Variants in PHTF2 observed in about 807,000 individuals in gnomAD.
The protein encoded by PHTF2 is putative homeodomain transcription factor 2.
A neutral mutation model predicts 101.2 loss-of-function variants in PHTF2; 60 were observed. The observed-to-expected ratio is 0.59, with a 90% CI of 0.48 to 0.73. The LOEUF (loss-of-function observed/expected upper bound fraction) is 0.73. Among genes scored for constraint, PHTF2 ranks in the 30% least tolerant of loss-of-function variants. The probability of loss-of-function intolerance (pLI) is 0.00; values close to 1 mark genes in which losing one functional copy is unlikely to be tolerated. For missense variants in PHTF2, 747 were observed against 908.7 expected (o/e 0.82, Z 2.29); for synonymous variants, 311 against 307.3 (o/e 1.01, Z -0.13).
At chr7:77,861,481 G>C (rs942551900) in intron 3 of PHTF2, among the ~76,000 whole-genome samples, 9 of 152,056 alleles carry the variant, frequency 5.9e-5, no homozygotes, top group Admixed American at 1.3e-4. Flanking sequence ...AAATAGAGTA[G>C]AAATGACCAT....
intron 1 of PHTF2, among the ~76,000 whole-genome samples, chr7:77,799,271 G>C (rs1204957521): frequency 6.6e-6 from 1 of 152,088 alleles, no homozygotes; most frequent in East Asian, 1.9e-4. Context: ...AGCCCAGCGC[G>C]CCACCCGCCC....
At chr7:77,868,711 A>G (rs1045489139) in intron 3 of PHTF2, among the ~76,000 whole-genome samples, 2 of 152,192 alleles carry the variant, frequency 1.3e-5, no homozygotes, top group African/African-American at 2.4e-5. Flanking sequence ...CTAGGAAGGT[A>G]GCATTAGATA....
At chr7:77,803,688 C>CGTGTGTGTGTGT (rs34239792) in intron 1 of PHTF2, among the ~76,000 whole-genome samples, 5 of 140,862 alleles carry the variant, frequency 3.5e-5, no homozygotes, top group Non-Finnish European at 6.3e-5. Context: ...GTTGAACAGG[C>CGTGTGTGTGTGT]GTGTGTGTGT....
At chr7:77,882,356 TA>T (rs34916341) in intron 3 of PHTF2, among the ~76,000 whole-genome samples, 24,923 of 147,428 alleles carry the variant, frequency 0.17, 2,316 homozygotes, top group African/African-American at 0.26. Context: ...TTTCAAATCT[TA>T]AAAAAAAAAA....
chr7:77,908,806 A>G, exon 8 of PHTF2: 1 of 1,601,144 alleles, frequency 6.2e-7, no homozygotes, highest in South Asian at 1.1e-5. Context: ...CTGCAATAGT[A>G]TTATTCTGCT....
At chr7:77,833,412 T>C (rs1290337444) in intron 1 of PHTF2, among the ~76,000 whole-genome samples, 1 of 152,142 alleles carries the variant, frequency 6.6e-6, no homozygotes, top group Non-Finnish European at 1.5e-5. Context: ...GTTGTTGGAA[T>C]GGAATAATAA....
chr7:77,837,058 AACT>A (rs1460146920), intron 1 of PHTF2, among the ~76,000 whole-genome samples: 9 of 152,214 alleles, frequency 5.9e-5, no homozygotes, highest in Non-Finnish European at 7.4e-5. Context: ...GCTTAGAGTT[AACT>A]GCCTAATGTT....
intron 3 of PHTF2, among the ~76,000 whole-genome samples, chr7:77,873,847 A>T (rs956141966): frequency 3.3e-5 from 5 of 152,186 alleles, no homozygotes; most frequent in Non-Finnish European, 5.9e-5. Context: ...GACGCTGTGC[A>T]TGTACCTTTC....
At chr7:77,941,465 C>T (rs1805633007) in intron 15 of PHTF2, among the ~76,000 whole-genome samples, 1 of 152,122 alleles carries the variant, frequency 6.6e-6, no homozygotes, top group African/African-American at 2.4e-5. Context: ...GCAGGTGTTA[C>T]ATTCTTTTGT....
intron 3 of PHTF2, among the ~76,000 whole-genome samples, chr7:77,862,587 A>G (rs1408896095): frequency 6.6e-6 from 1 of 152,234 alleles, no homozygotes; most frequent in Non-Finnish European, 1.5e-5. Flanking sequence ...CTATTTGAAT[A>G]GAGCTGAAGT....
At chr7:77,877,806 C>T (rs937458167) in intron 3 of PHTF2, among the ~76,000 whole-genome samples, 1 of 152,168 alleles carries the variant, frequency 6.6e-6, no homozygotes, top group Admixed American at 6.5e-5. Flanking sequence ...CTGGAAACTT[C>T]TCTCTTAGGA....
chr7:77,802,600 A>G (rs1290977019), intron 1 of PHTF2, among the ~76,000 whole-genome samples: 1 of 152,156 alleles, frequency 6.6e-6, no homozygotes, highest in Admixed American at 6.5e-5. Context: ...GGAGTACAGT[A>G]GTGTAATTAC....
intron 2 of PHTF2, among the ~76,000 whole-genome samples, chr7:77,843,576 A>C (rs1474231465): frequency 6.6e-6 from 1 of 152,232 alleles, no homozygotes; most frequent in East Asian, 1.9e-4. Flanking sequence ...TTACTAAAAA[A>C]AATTTTTAGA....
At chr7:77,878,147 A>C (rs1268560115) in intron 3 of PHTF2, among the ~76,000 whole-genome samples, 1 of 152,120 alleles carries the variant, frequency 6.6e-6, no homozygotes, top group African/African-American at 2.4e-5. Flanking sequence ...AGGCAAACAG[A>C]ACAAGAGAGG....
intron 13 of PHTF2, among the ~76,000 whole-genome samples, chr7:77,939,080 A>G (rs1805409035): frequency 6.6e-6 from 1 of 152,208 alleles, no homozygotes; most frequent in Non-Finnish European, 1.5e-5. Context: ...GGTCTCATTT[A>G]TCTAATATAT....
intron 2 of PHTF2, among the ~76,000 whole-genome samples, chr7:77,843,164 CT>C (rs1469136765): frequency 1.3e-5 from 2 of 152,194 alleles, no homozygotes; most frequent in Non-Finnish European, 2.9e-5. Context: ...AGTTTCCCCC[CT>C]CTATCATCCC....
intron 18 of PHTF2, 97 bp from the exon 18 acceptor site, chr7:77,953,672 T>C (rs1806742358): frequency 4.6e-6 from 5 of 1,076,464 alleles, no homozygotes; most frequent in Non-Finnish European, 6.5e-6. Context: ...TTGGTAACTT[T>C]TTTGAAAGTG....
intron 3 of PHTF2, among the ~76,000 whole-genome samples, chr7:77,884,416 A>G (rs1799656528): frequency 6.6e-6 from 1 of 151,908 alleles, no homozygotes; most frequent in Non-Finnish European, 1.5e-5. Flanking sequence ...TCCATAGTCC[A>G]TTATATCACT....
intron 9 of PHTF2, among the ~76,000 whole-genome samples, chr7:77,915,979 CTGTGTGTGTGTGTGTGTG>C (rs34376513): frequency 2.0e-5 from 3 of 147,916 alleles, no homozygotes; most frequent in Non-Finnish European, 4.5e-5. Context: ...ATTTGTGTGT[CTGTGTGTGTGTGTGTGTG>C]TGTGTGTGTG....
Sources: allele counts gnomAD v4.1 joint callset (sites outside exome capture counted in the v4.1 genomes callset), GRCh38; gene constraint gnomAD v4.1.1; transcripts MANE v1.5; gene names NCBI Gene and HGNC (gene_info 2026-07-23, HGNC 2026-07-21).